The following EPB41L3 variants were observed in gnomAD, a reference collection of about 807,000 sequenced individuals.
EPB41L3 encodes the protein erythrocyte membrane protein band 4.1 like 3.
EPB41L3 carries 57 observed loss-of-function variants against 127.1 expected under a neutral mutation model. The observed-to-expected ratio is 0.45, with a 90% CI of 0.36 to 0.56. The LOEUF is 0.56. EPB41L3 is among the 20% of genes least tolerant of loss of function. The probability of loss-of-function intolerance (pLI) is 0.00; values close to 1 mark genes in which losing one functional copy is unlikely to be tolerated. For synonymous variants in EPB41L3, 572 were observed against 549.5 expected (o/e 1.04, Z -0.57); for missense variants, 1,273 against 1,372.2 (o/e 0.93, Z 1.14).
At chr18:5,521,999 T>C (rs1181539830) in intron 1 of EPB41L3, among the ~76,000 whole-genome samples, 4 of 152,168 alleles carry the variant, frequency 2.6e-5, no homozygotes, top group African/African-American at 9.7e-5. Flanking sequence ...AATAATGCAA[T>C]TAAAAACTAT....
chr18:5,626,460 T>C (rs1478034759), intron 1 of EPB41L3, among the ~76,000 whole-genome samples: 2 of 152,214 alleles, frequency 1.3e-5, no homozygotes, highest in East Asian at 3.8e-4. Context: ...AATAGCGGGT[T>C]TCAATACCTT....
Position 5,603,122 on chromosome 18 carries a change from T to C in EPB41L3, c.-306+9218A>G, listed in dbSNP as rs144624923. Reference sequence around the variant, plus strand: ...ATTTTTTTTCCTTTTCATTAATACTTTGAAAGGGAGACTTAATGTCTTATT... The same window carrying C: ...ATTTTTTTTCCTTTTCATTAATACTCTGAAAGGGAGACTTAATGTCTTATT... On this transcript the variant is annotated intron_variant, in intron 3 of 21. Transcript: ENST00000545076. Among the ~76,000 whole-genome samples the C allele has an allele frequency of 4.6e-5, 7 of 152,310 alleles. No homozygotes were observed. The East Asian group carries it at 1.2e-3, about 25-fold the overall frequency.
chr18:5,547,382 G>A (rs2093898353), upstream of EPB41L3, among the ~76,000 whole-genome samples: 1 of 152,166 alleles, frequency 6.6e-6, no homozygotes, highest in Admixed American at 6.5e-5. Context: ...AATTTGGCAT[G>A]AGAACTCAGT....
intron 2 of EPB41L3, chr18:5,488,709 G>A: frequency 2.9e-6 from 1 of 339,974 alleles, no homozygotes; most frequent in Non-Finnish European, 5.2e-6. Context: ...CATAATTAAA[G>A]CTCTCAGTTT....
chr18:5,567,243 C>T (rs1482449897), intron 3 of EPB41L3: 1 of 152,284 alleles, frequency 6.6e-6, no homozygotes, highest in Admixed American at 6.5e-5. Flanking sequence ...GCCCCATCCC[C>T]AAGGCAGACA....
chr18:5,478,781 G>C (rs1475246276), intron 2 of EPB41L3, among the ~76,000 whole-genome samples: 1 of 152,092 alleles, frequency 6.6e-6, no homozygotes, highest in African/African-American at 2.4e-5. Flanking sequence ...ATACTGTTTA[G>C]ATTTCATCTT....
intron 3 of EPB41L3, among the ~76,000 whole-genome samples, chr18:5,549,330 G>A (rs886782988): frequency 1.3e-5 from 2 of 152,138 alleles, no homozygotes; most frequent in Non-Finnish European, 2.9e-5. Flanking sequence ...AGAATGCTCT[G>A]GGAATCACTG....
At chr18:5,535,864 G>A (rs1234252178) in intron 1 of EPB41L3, among the ~76,000 whole-genome samples, 4 of 152,220 alleles carry the variant, frequency 2.6e-5, no homozygotes, top group Non-Finnish European at 4.4e-5. Context: ...TTCTGTTGTT[G>A]AGGACGAAGG....
chr18:5,440,538 G>C (rs2080537077), intron 5 of EPB41L3, among the ~76,000 whole-genome samples: 1 of 152,106 alleles, frequency 6.6e-6, no homozygotes, highest in African/African-American at 2.4e-5. Flanking sequence ...TAGTTAGAAA[G>C]AGGAAATGAA....
At position 5,399,705 on chromosome 18, in the gene EPB41L3, CATT is replaced by C. The variant is rs1376534062; in HGVS notation, c.2350-1565_2350-1563del. 3.6e-4 allele frequency: 72 copies of C among 200,348 alleles called. 1 individual carries two copies. The Middle Eastern group carries it at 5.5e-3, about 15-fold the overall frequency. 12.4% of individuals were successfully genotyped at this position (200,348 alleles called of 1,614,324 possible). The stretch of plus-strand genomic sequence containing the variant: ...CATTTTATATTTCAAGATTAAATAA[CATT>C]ATTGATGTTGCTCTATAAGTTACTT... On this transcript the variant is annotated intron_variant, in intron 16 of 22. Transcript: ENST00000341928.
At chr18:5,426,714 G>C (rs1191245587) in intron 9 of EPB41L3, among the ~76,000 whole-genome samples, 3 of 152,074 alleles carry the variant, frequency 2.0e-5, no homozygotes, top group African/African-American at 7.2e-5. Context: ...TACAATCAAA[G>C]TATATGAGTC....
intron 2 of EPB41L3, among the ~76,000 whole-genome samples, chr18:5,486,504 C>CA (rs35101449): frequency 1.3e-5 from 2 of 151,672 alleles, no homozygotes; most frequent in Non-Finnish European, 2.9e-5. Context: ...TACATGCAGC[C>CA]AAAAAACTAC....
chr18:5,543,988 C>T lies in EPB41L3; in HGVS notation c.-87G>A. On this transcript the variant is annotated 5_prime_UTR_variant, in exon 1 of 23. Coordinates refer to ENST00000341928, the MANE Select transcript of EPB41L3 (RefSeq NM_012307.5). This position sits in a 1 kb window ranked among gnomAD's most constrained non-coding sequence, Gnocchi z 5.2. ...GGCGCGCGTCCTCGGCGGCGGTGCG[C>T]AGGAGACTCGGGCGTGGGGAGGAAG... is the stretch of plus-strand genomic sequence containing the variant. 2 of 985,634 alleles carry T rather than the reference C, an allele frequency of 2.0e-6. No homozygotes were observed. The highest frequency in any genetic ancestry group is 9.4e-5 in the South Asian group (2 of 21,290). The allele number at this position is 985,634 out of a possible 1,614,324, so 61.1% of individuals were successfully genotyped here. A position where few individuals can be genotyped will look rare whatever the true frequency, so the allele number is the denominator to read the frequency against.
chr18:5,628,686 G>C (rs905228953), intron 1 of EPB41L3, among the ~76,000 whole-genome samples: 60 of 152,322 alleles, frequency 3.9e-4, no homozygotes, highest in African/African-American at 1.2e-3. Context: ...CAGAGGGAAA[G>C]CGAAAGACGC....
chr18:5,583,700 T>C (rs1385189865), intron 3 of EPB41L3, among the ~76,000 whole-genome samples: 1 of 152,230 alleles, frequency 6.6e-6, no homozygotes, highest in Non-Finnish European at 1.5e-5. Context: ...ATTAAATTGA[T>C]GGGGTAATCA....
In EPB41L3 at chr18:5,397,206, G is replaced by A. The variant is rs142853345; in HGVS notation, c.2693C>T (p.Thr898Met). Reference protein sequence around the residue: ...GIKGKEGSALTEGAKEEGGEE... With the variant: ...GIKGKEGSALMEGAKEEGGEE... ...CCCTCCTTCCTCTTTAGCCCCCTCCGTCAAGGCAGAGCCCTCTTTCCCTTT... is the reference window on the plus strand; with the variant it reads ...CCCTCCTTCCTCTTTAGCCCCCTCCATCAAGGCAGAGCCCTCTTTCCCTTT... Residue 898 changes from threonine to methionine, a missense_variant, in exon 18 of 23, where the codon ACG (threonine) becomes ATG (methionine). By Grantham distance (81) the Thr-to-Met change is moderately conservative. Around this residue, in one of 3 missense-constraint regions of EPB41L3, gnomAD observed 765 missense variants for 782.9 expected, o/e 0.98. Transcript: ENST00000341928. The surrounding 1 kb of genome is among the most constrained non-coding windows in gnomAD (Gnocchi z 4.1). 4.1e-4 allele frequency: 659 copies of A among 1,614,040 alleles called. 2 individuals carry two copies. The highest frequency in any genetic ancestry group is 9.7e-4 in the Admixed American group (58 of 60,016).
intron 1 of EPB41L3, among the ~76,000 whole-genome samples, chr18:5,623,730 C>T (rs1466023059): frequency 6.6e-6 from 1 of 151,846 alleles, no homozygotes; most frequent in African/African-American, 2.4e-5. Flanking sequence ...TCACTGCAAC[C>T]TCTGCCTCCC....
intron 3 of EPB41L3, among the ~76,000 whole-genome samples, chr18:5,464,715 G>A (rs560509261): frequency 4.6e-5 from 7 of 152,058 alleles, no homozygotes; most frequent in African/African-American, 7.2e-5. Context: ...AGAATAACTC[G>A]TAATTTTAAA....
intron 3 of EPB41L3, among the ~76,000 whole-genome samples, chr18:5,609,256 C>T (rs1004707942): frequency 6.6e-6 from 1 of 151,994 alleles, no homozygotes; most frequent in Non-Finnish European, 1.5e-5. Flanking sequence ...CATGCTAAAC[C>T]CTTTAAGAAA....
Sources: allele counts gnomAD v4.1 joint callset (sites outside exome capture counted in the v4.1 genomes callset), GRCh38; gene constraint gnomAD v4.1.1; regional missense constraint gnomAD v4.1.1; non-coding constraint Gnocchi (gnomAD v3.1); transcripts MANE v1.5; gene names NCBI Gene and HGNC (gene_info 2026-07-23, HGNC 2026-07-21).